The following LRRC7 variants were observed in gnomAD, a reference collection of about 807,000 sequenced individuals.
LRRC7 encodes leucine rich repeat containing 7.
Under a neutral mutation model 175.7 loss-of-function variants are expected in LRRC7, and 23 were observed. The observed-to-expected ratio is 0.13, with a 90% CI of 0.09 to 0.19. The LOEUF (loss-of-function observed/expected upper bound fraction) is 0.19. Ranked by LOEUF, LRRC7 falls within the 10% of genes least tolerant of loss-of-function variation. The probability of loss-of-function intolerance (pLI) is 1.00; values close to 1 mark genes in which losing one functional copy is unlikely to be tolerated. For missense variants in LRRC7, 1,354 were observed against 1,904.7 expected, an observed-to-expected ratio of 0.71 and a Z score of 5.38; for synonymous variants, 685 against 680.9, an observed-to-expected ratio of 1.01 and a Z score of -0.09.
At chr1:69,788,974 T>C (rs1674808836) in intron 3 of LRRC7, among the ~76,000 whole-genome samples, 2 of 152,190 alleles carry the variant, frequency 1.3e-5, no homozygotes, top group African/African-American at 4.8e-5. Flanking sequence ...GTCTAGCTTG[T>C]AGCAAGTATC....
chr1:69,932,344 T>C (rs1253242021), intron 8 of LRRC7, among the ~76,000 whole-genome samples: 1 of 152,176 alleles, frequency 6.6e-6, no homozygotes, highest in Non-Finnish European at 1.5e-5. Context: ...CTATGTGACT[T>C]TGTGCAAGTT....
intron 11 of LRRC7, 151 bp downstream of exon 11, chr1:69,994,784 A>G (rs1016599610): frequency 4.1e-6 from 2 of 492,118 alleles, no homozygotes; most frequent in Non-Finnish European, 7.1e-6. Flanking sequence ...ATTTATATAT[A>G]TTTGTGTATA....
chr1:69,751,965 T>A (rs1479447305), intron 2 of LRRC7, among the ~76,000 whole-genome samples: 1 of 152,134 alleles, frequency 6.6e-6, no homozygotes, highest in Non-Finnish European at 1.5e-5. Flanking sequence ...GAAAAACTGG[T>A]TTCCCTGTAT....
At chr1:70,080,813 G>T (rs1663151698) in intron 24 of LRRC7, among the ~76,000 whole-genome samples, 1 of 152,130 alleles carries the variant, frequency 6.6e-6, no homozygotes, top group African/African-American at 2.4e-5. Flanking sequence ...GTAAAAGTCA[G>T]AGTTGTATTA....
chr1:69,769,198 G>C (rs1198004156), intron 3 of LRRC7, among the ~76,000 whole-genome samples: 4 of 152,190 alleles, frequency 2.6e-5, no homozygotes, highest in African/African-American at 9.6e-5. Context: ...TTAGTCATGT[G>C]ACTTCAGACA....
intron 2 of LRRC7, among the ~76,000 whole-genome samples, chr1:69,718,676 G>A (rs1254942510): frequency 2.0e-5 from 3 of 151,770 alleles, no homozygotes; most frequent in African/African-American, 7.2e-5. Context: ...TCAATATTCA[G>A]TCATCAAAAT....
chr1:70,013,784 A>C (rs1184172643), intron 13 of LRRC7, among the ~76,000 whole-genome samples: 59 of 152,024 alleles, frequency 3.9e-4, no homozygotes, highest in Non-Finnish European at 1.5e-5. Flanking sequence ...ACAAAATATA[A>C]TGCATGAGCT....
intron 2 of LRRC7, among the ~76,000 whole-genome samples, chr1:69,745,611 AAT>A (rs569097498): frequency 1.2e-3 from 179 of 151,966 alleles, no homozygotes; most frequent in Non-Finnish European, 2.0e-3. Flanking sequence ...GTCTTCAAAA[AAT>A]ATGTTTCAAG....
intron 8 of LRRC7, among the ~76,000 whole-genome samples, chr1:69,944,610 T>G (rs933884892): frequency 6.6e-6 from 1 of 152,094 alleles, no homozygotes; most frequent in Admixed American, 6.6e-5. Context: ...CAGCACCATT[T>G]TACGTTCCCA....
intron 18 of LRRC7, among the ~76,000 whole-genome samples, chr1:70,032,373 C>G (rs1227884667): frequency 6.6e-6 from 1 of 151,574 alleles, no homozygotes; most frequent in Non-Finnish European, 1.5e-5. Flanking sequence ...TAAAACCTTT[C>G]TGATCCTTGG....
intron 7 of LRRC7, among the ~76,000 whole-genome samples, chr1:69,922,994 A>G (rs1646940173): frequency 6.6e-6 from 1 of 151,480 alleles, no homozygotes; most frequent in African/African-American, 2.4e-5. Context: ...CAGTCCCCAG[A>G]GTGTGATGTT....
At chr1:69,763,474 C>T (rs1671262444) in intron 3 of LRRC7, among the ~76,000 whole-genome samples, 1 of 152,006 alleles carries the variant, frequency 6.6e-6, no homozygotes, top group East Asian at 1.9e-4. Context: ...TGATGTAATT[C>T]CTTTGCTATC....
chr1:69,633,508 A>G (rs1225026794), intron 1 of LRRC7, among the ~76,000 whole-genome samples: 3 of 152,092 alleles, frequency 2.0e-5, no homozygotes, highest in Admixed American at 2.0e-4. Context: ...AACTCACTGC[A>G]ACCTCTGCCT....
chr1:69,735,901 C>G (rs1158768937), intron 2 of LRRC7, among the ~76,000 whole-genome samples: 1 of 151,832 alleles, frequency 6.6e-6, no homozygotes, highest in African/African-American at 2.4e-5. Flanking sequence ...CCCTACCACC[C>G]CACACATTAT....
At chr1:69,880,769 A>G (rs1686518342) in intron 7 of LRRC7, among the ~76,000 whole-genome samples, 1 of 152,032 alleles carries the variant, frequency 6.6e-6, no homozygotes, top group African/African-American at 2.4e-5. Flanking sequence ...TATAAGGAAA[A>G]AAAGAAGAAG....
chr1:69,759,930 A>G (rs1221379584), intron 2 of LRRC7, among the ~76,000 whole-genome samples: 3 of 152,042 alleles, frequency 2.0e-5, no homozygotes, highest in Non-Finnish European at 4.4e-5. Context: ...CGATTCTGCC[A>G]TTCCAAAGCT....
intron 8 of LRRC7, among the ~76,000 whole-genome samples, chr1:69,973,079 A>T (rs1652430595): frequency 6.8e-6 from 1 of 147,300 alleles, no homozygotes; most frequent in South Asian, 2.1e-4. Context: ...CCATATATAT[A>T]TATATAAAAA....
chr1:69,800,106 A>AT (rs751612919), intron 4 of LRRC7, among the ~76,000 whole-genome samples: 2 of 151,890 alleles, frequency 1.3e-5, no homozygotes, highest in African/African-American at 2.4e-5. Context: ...ATCTGCATTG[A>AT]TTTTTATACA....
chr1:69,703,103 G>A (rs546486328), intron 2 of LRRC7, among the ~76,000 whole-genome samples: 1 of 152,048 alleles, frequency 6.6e-6, no homozygotes, highest in East Asian at 1.9e-4. Context: ...AGTCTGAAGA[G>A]AAAACAGTAA....
Sources: allele counts gnomAD v4.1 joint callset (sites outside exome capture counted in the v4.1 genomes callset), GRCh38; gene constraint gnomAD v4.1.1; transcripts MANE v1.5; gene names NCBI Gene and HGNC (gene_info 2026-07-23, HGNC 2026-07-21).